The following GALNT18 variants were observed in gnomAD, a reference collection of about 807,000 sequenced individuals.
GALNT18 encodes GalNAc-transferase 18.
A neutral mutation model predicts 69.5 loss-of-function variants in GALNT18; 44 were observed. The observed-to-expected ratio is 0.63, with a 90% confidence interval of 0.50 to 0.81. GALNT18 has a LOEUF of 0.81. Ranked by LOEUF, GALNT18 falls within the 40% of genes least tolerant of loss-of-function variation. The pLI is 0.00. For synonymous variants in GALNT18, 364 were observed against 318.2 expected, an observed-to-expected ratio of 1.14 and a Z score of -1.53; for missense variants, 715 against 810.0, an observed-to-expected ratio of 0.88 and a Z score of 1.42.
chr11:11,553,741 G>T (rs1858257977), intron 1 of GALNT18, among the ~76,000 whole-genome samples: 1 of 152,098 alleles, frequency 6.6e-6, no homozygotes, highest in African/African-American at 2.4e-5. Flanking sequence ...GCTGCCCCCG[G>T]GAGCCCTTCC....
rs1860165084 is a variant in GALNT18 at position 11,620,516 on chromosome 11, C to T, written c.235+843G>A. Among the ~76,000 whole-genome samples, 1 of 152,116 alleles carries T rather than the reference C, an allele frequency of 6.6e-6. No individual in the cohort carries two copies. The highest frequency in any genetic ancestry group is 1.9e-4 in the East Asian group (1 of 5,154). On this transcript the variant is annotated intron_variant, in intron 1 of 10. Transcript: ENST00000227756. This position sits in a 1 kb window ranked among gnomAD's most constrained non-coding sequence, Gnocchi z 6.9. ...GCGTAACCTTACACTTCAGACCCAA[C>T]CCAGGTCTGCTCAGCCCCGGCTGCT...
At chr11:11,481,338 C>G (rs1856525570) in intron 1 of GALNT18, among the ~76,000 whole-genome samples, 1 of 152,122 alleles carries the variant, frequency 6.6e-6, no homozygotes, top group African/African-American at 2.4e-5. Context: ...AGGATCCCCC[C>G]AGAAGCTGAC....
At chr11:11,418,529 C>T (rs565749315) in intron 3 of GALNT18, among the ~76,000 whole-genome samples, 30 of 152,300 alleles carry the variant, frequency 2.0e-4, no homozygotes, top group Non-Finnish European at 3.4e-4. Flanking sequence ...TCCAGGAAGC[C>T]CTCCCAGAGT....
In GALNT18 at chr11:11,463,225, CAGAG is replaced by C. The variant is rs367803547; in HGVS notation, c.236-14293_236-14290del. Reference sequence around the variant, plus strand: ...AGACAGACAGACACACACACACACACAGAGAGAGAGAGAGAGAGTTCCAGAAGCC... The same window carrying C: ...AGACAGACAGACACACACACACACACAGAGAGAGAGAGAGTTCCAGAAGCC... On this transcript the variant is annotated intron_variant, in intron 1 of 10. Transcript: ENST00000227756. This position sits in a 1 kb window ranked among gnomAD's most constrained non-coding sequence, Gnocchi z 4.2. Among the ~76,000 whole-genome samples the C allele has an allele frequency of 0.014, 883 of 64,616 alleles. 9 individuals are homozygous for C. Among genetic ancestry groups the C allele is most frequent in the African/African-American group, 0.037 (803 of 21,802 alleles). 42.4% of individuals were successfully genotyped at this position (64,616 alleles called of 152,430 possible).
At chr11:11,437,260 A>AAATTAAGCCATAAAAACCTCCCTTTTTAC (rs1855424182) in intron 2 of GALNT18, among the ~76,000 whole-genome samples, 1 of 152,234 alleles carries the variant, frequency 6.6e-6, no homozygotes, top group African/African-American at 2.4e-5. Flanking sequence ...TTCTCCTGTA[A>AAATTAAGCCATAAAAACCTCCCTTTTTAC]AATTAAGCCA....
chr11:11,274,062 C>T (rs1003293975), intron 10 of GALNT18, among the ~76,000 whole-genome samples: 2 of 152,222 alleles, frequency 1.3e-5, no homozygotes, highest in Non-Finnish European at 2.9e-5. Context: ...GTTATCGCCT[C>T]ACCTGGGAAG....
intron 1 of GALNT18, among the ~76,000 whole-genome samples, chr11:11,609,551 G>T (rs1859842464): frequency 1.3e-5 from 2 of 152,186 alleles, no homozygotes; most frequent in Admixed American, 6.5e-5. Flanking sequence ...ATAAACGCTT[G>T]TTCAGTGAAG....
At chr11:11,468,685 C>G (rs1318045698) in intron 1 of GALNT18, among the ~76,000 whole-genome samples, 1 of 152,110 alleles carries the variant, frequency 6.6e-6, no homozygotes, top group Non-Finnish European at 1.5e-5. Context: ...TCCTGAGTCA[C>G]TTGTAGTTAA....
At chr11:11,394,953 G>A (rs541134821) in intron 3 of GALNT18, among the ~76,000 whole-genome samples, 366 of 152,332 alleles carry the variant, frequency 2.4e-3, no homozygotes, top group Non-Finnish European at 4.4e-3. Context: ...CAGCCAGGGA[G>A]CAGGGTCTGA....
chr11:11,600,524 T>C lies in GALNT18; in HGVS notation c.235+20835A>G, dbSNP rs9736311. 2.0e-5 allele frequency among the ~76,000 whole-genome samples: 3 copies of C among 152,072 alleles called. No homozygotes were observed. The highest frequency in any genetic ancestry group is 6.5e-5 in the Admixed American group (1 of 15,270). ...AGAATTCAGCTGCTAATCTTATCAG[T>C]ATTCTCTTGTAGGTGATAAGTGGTC... On this transcript the variant is annotated intron_variant, in intron 1 of 10. Transcript: ENST00000227756. The surrounding 1 kb of genome is among the most constrained non-coding windows in gnomAD (Gnocchi z 4.8).
At position 11,459,604 on chromosome 11, in the gene GALNT18, G is replaced by C; in HGVS notation, c.236-10668C>G. Among the ~76,000 whole-genome samples, 1 of 152,148 alleles carries C rather than the reference G, an allele frequency of 6.6e-6. No homozygotes were observed. The highest frequency in any genetic ancestry group is 1.9e-4 in the East Asian group (1 of 5,190). On this transcript the variant is annotated intron_variant, in intron 1 of 10. Transcript: ENST00000227756. The surrounding 1 kb of genome is among the most constrained non-coding windows in gnomAD (Gnocchi z 5.0). ...GAGGCACCTCTGCCCTGGATTGGCT[G>C]TGTGACCCTCATCAAGCTCTTAAAC...
At chr11:11,491,874 C>T (rs1487560864) in intron 1 of GALNT18, among the ~76,000 whole-genome samples, 2 of 152,156 alleles carry the variant, frequency 1.3e-5, no homozygotes, top group African/African-American at 4.8e-5. Flanking sequence ...TTGGCATCCA[C>T]AGCCAAGCAG....
intron 6 of GALNT18, among the ~76,000 whole-genome samples, chr11:11,345,048 G>A (rs1850279412): frequency 6.6e-6 from 1 of 152,240 alleles, no homozygotes; most frequent in African/African-American, 2.4e-5. Flanking sequence ...ACCCACCTTT[G>A]GGGAGCAAAC....
intron 1 of GALNT18, among the ~76,000 whole-genome samples, chr11:11,527,980 C>A (rs985355632): frequency 6.6e-6 from 1 of 152,208 alleles, no homozygotes; most frequent in Non-Finnish European, 1.5e-5. Flanking sequence ...CTGTGCTAAG[C>A]ACTTAGCATG....
At chr11:11,529,865 C>T (rs919272407) in intron 1 of GALNT18, among the ~76,000 whole-genome samples, 1 of 152,048 alleles carries the variant, frequency 6.6e-6, no homozygotes, top group Non-Finnish European at 1.5e-5. Flanking sequence ...TATGTCTTTA[C>T]CCAGGTTTAA....
intron 9 of GALNT18, among the ~76,000 whole-genome samples, chr11:11,323,460 G>T (rs1160231911): frequency 6.6e-6 from 1 of 152,178 alleles, no homozygotes; most frequent in Non-Finnish European, 1.5e-5. Flanking sequence ...AGCTCTTAAG[G>T]CTCAAGAATA....
intron 1 of GALNT18, among the ~76,000 whole-genome samples, chr11:11,519,433 C>T (rs552733561): frequency 3.9e-5 from 6 of 152,238 alleles, no homozygotes; most frequent in Non-Finnish European, 7.4e-5. Flanking sequence ...GATGCCTCCA[C>T]GGCCACGCCC....
intron 5 of GALNT18, among the ~76,000 whole-genome samples, chr11:11,374,285 C>T (rs1484167539): frequency 6.6e-6 from 1 of 152,164 alleles, no homozygotes; most frequent in Non-Finnish European, 1.5e-5. Context: ...TCTGAGCCTC[C>T]GATTCCATAT....
chr11:11,295,658 G>T (rs1260123163), intron 9 of GALNT18, among the ~76,000 whole-genome samples: 1 of 152,032 alleles, frequency 6.6e-6, no homozygotes, highest in African/African-American at 2.4e-5. Flanking sequence ...TGGAGAGTGT[G>T]TCTGGAGGGA....
Sources: allele counts gnomAD v4.1 joint callset (sites outside exome capture counted in the v4.1 genomes callset), GRCh38; gene constraint gnomAD v4.1.1; non-coding constraint Gnocchi (gnomAD v3.1); transcripts MANE v1.5; gene names NCBI Gene and HGNC (gene_info 2026-07-23, HGNC 2026-07-21).